Variants in MOV10L1 observed in about 807,000 individuals in gnomAD.
MOV10L1 encodes the protein RNA helicase Mov10l1.
A neutral mutation model predicts 143.8 loss-of-function variants in MOV10L1; 110 were observed. The ratio of observed to expected loss-of-function variants is 0.76; its 90% CI spans 0.66 to 0.90. The LOEUF is 0.90. MOV10L1 is among the 40% of genes least tolerant of loss of function. The probability of loss-of-function intolerance (pLI) is 0.00; values close to 1 mark genes in which losing one functional copy is unlikely to be tolerated. For synonymous variants in MOV10L1, 593 were observed against 581.1 expected, an observed-to-expected ratio of 1.02 and a Z score of -0.29; for missense variants, 1,406 against 1,526.8, an observed-to-expected ratio of 0.92 and a Z score of 1.32.
At chr22:50,110,663 G>C (rs978571430) in intron 5 of MOV10L1, among the ~76,000 whole-genome samples, 1 of 152,162 alleles carries the variant, frequency 6.6e-6, no homozygotes, top group African/African-American at 2.4e-5. Flanking sequence ...GGCCACAGTG[G>C]CTCACGCCTG....
chr22:50,091,893 G>C, intron 1 of MOV10L1, 108 bp from the exon 2 acceptor site: 2 of 1,096,070 alleles, frequency 1.8e-6, no homozygotes, highest in Non-Finnish European at 2.6e-6. Context: ...CAGTGCCTCC[G>C]AACTGCAAAA....
intron 16 of MOV10L1, among the ~76,000 whole-genome samples, 200 bp from the exon 17 acceptor site, chr22:50,142,842 GA>G (rs368862017): frequency 2.8e-4 from 41 of 147,138 alleles, no homozygotes; most frequent in South Asian, 4.4e-4. Flanking sequence ...TCTCAAAAAA[GA>G]AAAAAAAAAT....
chr22:50,146,447 G>C (rs375160091), intron 19 of MOV10L1, among the ~76,000 whole-genome samples: 1 of 151,986 alleles, frequency 6.6e-6, no homozygotes, highest in Admixed American at 6.5e-5. Context: ...GAGGACCAAG[G>C]CACTCTCAGA....
At chr22:50,090,280 C>T in intron 1 of MOV10L1, 95 bp downstream of exon 1, 2 of 1,446,242 alleles carry the variant, frequency 1.4e-6, no homozygotes, top group South Asian at 1.5e-5. Context: ...GCAGTGCGGG[C>T]CGGCAGGCAA....
At chr22:50,134,392 G>GAAAC (rs2062763182) in intron 14 of MOV10L1, 138 bp from the exon 15 acceptor site, 8 of 664,044 alleles carry the variant, frequency 1.2e-5, no homozygotes, top group Non-Finnish European at 2.0e-5. Context: ...CTATAATTTA[G>GAAAC]AAACAGTATA....
At chr22:50,099,380 C>G (rs1369990657) in intron 2 of MOV10L1, 63 bp from the exon 3 acceptor site, 1 of 1,565,990 alleles carries the variant, frequency 6.4e-7, no homozygotes, top group East Asian at 2.3e-5. Context: ...GGCATGCCAG[C>G]CTGTAGTTTG....
chr22:50,099,407 C>G, intron 2 of MOV10L1, 36 bp from the exon 3 acceptor site: 4 of 1,593,986 alleles, frequency 2.5e-6, no homozygotes, highest in Non-Finnish European at 3.4e-6. Context: ...TTGTAGTTCT[C>G]GTATTATGGT....
At chr22:50,105,479 C>G (rs960356121) in intron 3 of MOV10L1, among the ~76,000 whole-genome samples, 11 of 152,236 alleles carry the variant, frequency 7.2e-5, no homozygotes, top group African/African-American at 2.4e-4. Flanking sequence ...GAGCATTCAT[C>G]TGTGGACTCC....
intron 4 of MOV10L1, 123 bp downstream of exon 4, chr22:50,108,371 C>A: frequency 2.2e-6 from 2 of 922,940 alleles, no homozygotes; most frequent in Non-Finnish European, 3.5e-6. Flanking sequence ...TTTGTCATGG[C>A]CAAAGAGGAG....
intron 25 of MOV10L1, 45 bp from the exon 26 acceptor site, chr22:50,160,919 G>A (rs749110186): frequency 3.7e-6 from 6 of 1,612,102 alleles, no homozygotes; most frequent in South Asian, 1.1e-5. Context: ...GGAGACATGG[G>A]GCCTTCACTT....
chr22:50,161,678 G>A lies in MOV10L1; in HGVS notation c.*229G>A, dbSNP rs1208416738. 1 of 501,910 alleles carries A rather than the reference G, an allele frequency of 2.0e-6. No individual in the cohort carries two copies. The highest frequency in any genetic ancestry group is 3.7e-5 in the Admixed American group (1 of 26,804). The allele number at this position is 501,910 out of a possible 1,614,324, so 31.1% of individuals were successfully genotyped here. A position where few individuals can be genotyped will look rare whatever the true frequency, so the allele number is the denominator to read the frequency against. On this transcript the variant is annotated 3_prime_UTR_variant, in exon 27 of 27. Transcript: ENST00000262794. ...CGCCTACCCTGAAATAAACCCTCGAGTGACCCCCAGAAGCCTTTCCACCTC... is the reference window on the plus strand; with the variant it reads ...CGCCTACCCTGAAATAAACCCTCGAATGACCCCCAGAAGCCTTTCCACCTC...
chr22:50,092,682 T>G (rs2062483159), intron 2 of MOV10L1: 1 of 155,228 alleles, frequency 6.4e-6, no homozygotes. Context: ...TCAAACAACA[T>G]AGACATGTAT....
intron 7 of MOV10L1, among the ~76,000 whole-genome samples, chr22:50,114,879 T>A (rs2062126815): frequency 6.6e-6 from 1 of 152,220 alleles, no homozygotes; most frequent in Admixed American, 6.5e-5. Flanking sequence ...GAAAGATTGC[T>A]GGGCGCGCCG....
In MOV10L1 at chr22:50,117,318, C is replaced by T. The variant is rs561031524; in HGVS notation, c.1421C>T (p.Ala474Val). 1.9e-6 allele frequency: 3 copies of T among 1,613,880 alleles called. No individual in the cohort carries two copies. Among genetic ancestry groups the T allele is most frequent in the African/African-American group, 2.7e-5 (2 of 75,010 alleles). Residue 474 changes from alanine (A) to valine (V), a missense_variant, in exon 9 of 27, where the codon GCA becomes GTA. Ala to Val is a moderately conservative substitution (Grantham distance 64). Transcript: ENST00000262794. ...AAAAGTTCACAAGCGTTAACATCCG[C>T]AAAAACTACAGTTGTTGTGACCGCA... ...KLKSSQALTSAKTTVVVTAQK... is the reference protein window; with the variant it reads ...KLKSSQALTSVKTTVVVTAQK...
intron 8 of MOV10L1, among the ~76,000 whole-genome samples, chr22:50,116,499 GC>G (rs1430167164): frequency 6.6e-6 from 1 of 151,242 alleles, no homozygotes; most frequent in African/African-American, 2.4e-5. Context: ...GGATGATGTA[GC>G]CCCAGTTAGA....
intron 7 of MOV10L1, 63 bp from the exon 8 acceptor site, chr22:50,115,051 G>A (rs1049398655): frequency 6.7e-6 from 10 of 1,499,808 alleles, no homozygotes; most frequent in South Asian, 5.1e-5. Context: ...CACTAAGCAT[G>A]CCAGCACTGT....
intron 19 of MOV10L1, 92 bp downstream of exon 19, chr22:50,145,902 A>G: frequency 1.9e-6 from 3 of 1,559,026 alleles, no homozygotes; most frequent in Non-Finnish European, 2.6e-6. Context: ...GATGACCCAG[A>G]GACTCAGTGC....
At chr22:50,091,931 TCTGGTGGGGTTCA>T in intron 1 of MOV10L1, 57 bp from the exon 2 acceptor site, 1 of 1,478,704 alleles carries the variant, frequency 6.8e-7, no homozygotes, top group South Asian at 1.3e-5. Context: ...TCTGCCTTTC[TCTGGTGGGGTTCA>T]CTGTAGCGTA....
At chr22:50,113,488 G>A in intron 5 of MOV10L1, 160 bp from the exon 6 acceptor site, 2 of 915,624 alleles carry the variant, frequency 2.2e-6, no homozygotes, top group South Asian at 3.6e-5. Context: ...CTTCCTTAGG[G>A]TTTGCCATCC....
Sources: allele counts gnomAD v4.1 joint callset (sites outside exome capture counted in the v4.1 genomes callset), GRCh38; gene constraint gnomAD v4.1.1; transcripts MANE v1.5; gene names NCBI Gene and HGNC (gene_info 2026-07-23, HGNC 2026-07-21).